The following KIAA0586 variants were observed in gnomAD, a reference collection of about 807,000 sequenced individuals.
KIAA0586 encodes protein TALPID3.
KIAA0586 carries 144 observed loss-of-function variants against 169.8 expected under a neutral mutation model. That is an observed-to-expected ratio of 0.85 (90% CI 0.74 to 0.97). KIAA0586 has a LOEUF of 0.97. KIAA0586 is among the 50% of genes least tolerant of loss of function. KIAA0586 has a pLI of 0.00. For synonymous variants in KIAA0586, 625 were observed against 612.4 expected, an observed-to-expected ratio of 1.02 and a Z score of -0.30; for missense variants, 1,854 against 1,823.0, an observed-to-expected ratio of 1.02 and a Z score of -0.31.
In KIAA0586 at chr14:58,506,086, G is replaced by C. The variant is rs2043918671; in HGVS notation, c.4169-2469G>C. 2.0e-5 allele frequency among the ~76,000 whole-genome samples: 3 copies of C among 151,816 alleles called. No individual in the cohort carries two copies. The South Asian group carries it at 6.3e-4, about 32-fold the overall frequency. Reference sequence around the variant, plus strand: ...TCATTAAAGTCTCTTGGGTTTTCTAGGCATATACCATATATCAGCAAAAGA... The same window carrying C: ...TCATTAAAGTCTCTTGGGTTTTCTACGCATATACCATATATCAGCAAAAGA... On this transcript the variant is annotated intron_variant, in intron 27 of 30. Coordinates refer to ENST00000652326, the MANE Select transcript of KIAA0586 (RefSeq NM_001329943.3).
chr14:58,443,019 T>G, intron 5 of KIAA0586, 139 bp downstream of exon 5: 2 of 652,526 alleles, frequency 3.1e-6, no homozygotes, highest in Non-Finnish European at 5.1e-6. Flanking sequence ...AATTTTCCCA[T>G]TTGTGGTTGT....
chr14:58,458,475 A>G lies in KIAA0586; in HGVS notation c.1586A>G (p.Glu529Gly). 2.6e-6 allele frequency: 4 copies of G among 1,513,450 alleles called. No individual in the cohort carries two copies. Among genetic ancestry groups the G allele is most frequent in the Non-Finnish European group, 3.6e-6 (4 of 1,113,846 alleles). The allele number at this position is 1,513,450 out of a possible 1,614,324, so 93.8% of individuals were successfully genotyped here. ...SLINALSTNR[E>G]MSEKIRIRKT... is the part of the protein sequence containing the mutation. ...AAATTCCTTTTTCTCTTTTATAGAG[A>G]GATGTCAGAGAAAATTAGGATCAGA... Residue 529 changes from glutamate (E) to glycine (G), a missense_variant and splice_region_variant, in exon 12 of 31, where the codon GAG becomes GGG. Glu to Gly is a moderately conservative substitution (Grantham distance 98, BLOSUM62 -2). Coordinates refer to ENST00000652326, the MANE Select transcript of KIAA0586 (RefSeq NM_001329943.3).
At chr14:58,468,142 T>C (rs1266008194) in intron 16 of KIAA0586, among the ~76,000 whole-genome samples, 4 of 152,098 alleles carry the variant, frequency 2.6e-5, no homozygotes, top group Non-Finnish European at 4.4e-5. Flanking sequence ...GCCTCTTGGG[T>C]TCAAGTGATT....
chr14:58,527,406 G>A (rs975091332), intron 29 of KIAA0586, among the ~76,000 whole-genome samples: 7 of 152,290 alleles, frequency 4.6e-5, no homozygotes, highest in East Asian at 3.9e-4. Flanking sequence ...ATAATCGTCA[G>A]ATTCAACAAG....
At chr14:58,464,263 C>T (rs1221531101) in intron 14 of KIAA0586, 3 of 266,784 alleles carry the variant, frequency 1.1e-5, no homozygotes, top group Non-Finnish European at 2.2e-5. Flanking sequence ...TGTGTGTAGA[C>T]AGGTTTTATA....
chr14:58,465,823 T>C lies in KIAA0586; in HGVS notation c.2060-12T>C, dbSNP rs2140938939. The C allele has an allele frequency of 6.6e-7, 1 of 1,517,104 alleles. No homozygotes were observed. Among genetic ancestry groups the C allele is most frequent in the East Asian group, 2.3e-5 (1 of 43,944 alleles). 94.0% of individuals were successfully genotyped at this position (1,517,104 alleles called of 1,614,324 possible). The stretch of plus-strand genomic sequence containing the variant: ...AATATTTTAAAATATCTGCCATTGG[T>C]GATTATTATAGGCACTAAGGTAAAG... On this transcript the variant is annotated splice_polypyrimidine_tract_variant and intron_variant, in intron 14 of 30. Coordinates refer to ENST00000652326, the MANE Select transcript of KIAA0586 (RefSeq NM_001329943.3).
At chr14:58,446,290 G>A (rs1052667243) in intron 6 of KIAA0586, among the ~76,000 whole-genome samples, 2 of 151,630 alleles carry the variant, frequency 1.3e-5, no homozygotes, top group Non-Finnish European at 2.9e-5. Flanking sequence ...GAGGTCAGGA[G>A]TTCAAGACCA....
In KIAA0586 at chr14:58,484,900, A is replaced by T. The variant is rs1425199556; in HGVS notation, c.3145-2107A>T. ...ATATTATATATATATTTATATATAT[A>T]TATATATATATATATATATATATAT... On this transcript the variant is annotated intron_variant, in intron 21 of 30. Coordinates refer to ENST00000652326, the MANE Select transcript of KIAA0586 (RefSeq NM_001329943.3). Among the ~76,000 whole-genome samples the T allele has an allele frequency of 4.4e-4, 4 of 9,166 alleles. 1 individual carries two copies. Among genetic ancestry groups the T allele is most frequent in the Non-Finnish European group, 8.3e-4 (4 of 4,836 alleles). The allele number at this position is 9,166 out of a possible 152,430, so 6.0% of individuals were successfully genotyped here.
chr14:58,470,135 A>G (rs941502530), intron 16 of KIAA0586, among the ~76,000 whole-genome samples: 1 of 151,808 alleles, frequency 6.6e-6, no homozygotes, highest in Non-Finnish European at 1.5e-5. Flanking sequence ...TGATATATAT[A>G]TAATAGTGGA....
At chr14:58,519,678 T>A (rs2045048677) in intron 29 of KIAA0586, among the ~76,000 whole-genome samples, 1 of 152,236 alleles carries the variant, frequency 6.6e-6, no homozygotes, top group Non-Finnish European at 1.5e-5. Flanking sequence ...AAGAAAGTGA[T>A]ATATGGGATA....
intron 29 of KIAA0586, among the ~76,000 whole-genome samples, chr14:58,513,841 C>T (rs1422069860): frequency 6.6e-6 from 1 of 151,810 alleles, no homozygotes; most frequent in African/African-American, 2.4e-5. Context: ...ATTTCATTTT[C>T]TTGAGGATGT....
At chr14:58,429,312 G>A (rs1014188960) in intron 1 of KIAA0586, 51 bp from the exon 2 acceptor site, 8 of 1,112,282 alleles carry the variant, frequency 7.2e-6, no homozygotes, top group Non-Finnish European at 9.7e-6. Context: ...AGTTTCTAAA[G>A]CTAAGGATCT....
chr14:58,539,393 G>T (rs1052032349), intron 29 of KIAA0586, among the ~76,000 whole-genome samples: 2 of 152,142 alleles, frequency 1.3e-5, no homozygotes, highest in African/African-American at 4.8e-5. Context: ...GTTATAGAAG[G>T]TTGTTAATTG....
At chr14:58,553,569 T>A (rs1012800813), downstream of KIAA0586, among the ~76,000 whole-genome samples, 4 of 151,204 alleles carry the variant, frequency 2.6e-5, no homozygotes, top group African/African-American at 7.3e-5. Context: ...TGGGTGGAAT[T>A]TGCACTTACA....
intron 30 of KIAA0586, among the ~76,000 whole-genome samples, chr14:58,546,394 C>G (rs2046983837): frequency 6.6e-6 from 1 of 152,110 alleles, no homozygotes; most frequent in Non-Finnish European, 1.5e-5. Context: ...CCAGAACTGT[C>G]TAATTATACT....
chr14:58,436,018 C>T (rs1172298968), intron 4 of KIAA0586, among the ~76,000 whole-genome samples: 1 of 152,098 alleles, frequency 6.6e-6, no homozygotes, highest in African/African-American at 2.4e-5. Context: ...CAGAATGATA[C>T]ATTCTTAACA....
rs115366282 is a variant in KIAA0586 at position 58,461,833 on chromosome 14, G to T, written c.2059+673G>T. Among the ~76,000 whole-genome samples the T allele has an allele frequency of 6.9e-3, 1,053 of 152,232 alleles. 14 individuals carry two copies. The highest frequency in any genetic ancestry group is 0.024 in the African/African-American group (1,007 of 41,538). ...GTAGAAAGGTGAAAACTTTTTTGTTGCTTTTGTGCACAACTGAAAACATCT... is the reference window on the plus strand; with the variant it reads ...GTAGAAAGGTGAAAACTTTTTTGTTTCTTTTGTGCACAACTGAAAACATCT... On this transcript the variant is annotated intron_variant, in intron 14 of 30. Coordinates refer to ENST00000652326, the MANE Select transcript of KIAA0586 (RefSeq NM_001329943.3).
At position 58,527,136 on chromosome 14, in the gene KIAA0586, G is replaced by A. The variant is rs538587516; in HGVS notation, c.4430-12935G>A. ...GAAGATCAACTTAAAGAAATAAAGC[G>A]TGAAGACAAGAATAGAGAAAAAAGA... is the stretch of plus-strand genomic sequence containing the variant. On this transcript the variant is annotated intron_variant, in intron 29 of 30. Transcript: ENST00000652326. 4.5e-3 allele frequency among the ~76,000 whole-genome samples: 686 copies of A among 152,086 alleles called. 2 individuals carry two copies. The highest frequency in any genetic ancestry group is 7.6e-3 in the Non-Finnish European group (516 of 67,990).
At chr14:58,457,169 G>C (rs2039933047) in intron 10 of KIAA0586, among the ~76,000 whole-genome samples, 1 of 152,168 alleles carries the variant, frequency 6.6e-6, no homozygotes, top group Non-Finnish European at 1.5e-5. Context: ...ACTTTATTTT[G>C]CTTTCTTCAG....
Sources: gnomAD v4.1 joint callset for allele counts (sites outside exome capture counted in the v4.1 genomes callset) on GRCh38, gnomAD v4.1.1 for gene constraint, MANE v1.5 for transcripts, NCBI Gene and HGNC (gene_info 2026-07-23, HGNC 2026-07-21) for gene names.